The following GRIP1 variants were observed in gnomAD, a reference collection of about 807,000 sequenced individuals.
The protein encoded by GRIP1 is glutamate receptor interacting protein 1, also known as glutamate receptor-interacting protein 1.
Under a neutral mutation model 129.9 loss-of-function variants are expected in GRIP1, and 45 were observed. That is an observed-to-expected ratio of 0.35 (90% CI 0.27 to 0.44). The LOEUF (loss-of-function observed/expected upper bound fraction) is 0.44. Among genes scored for constraint, GRIP1 ranks in the 20% least tolerant of loss-of-function variants. The pLI is 1.00. For synonymous variants in GRIP1, 530 were observed against 520.8 expected (o/e 1.02, Z -0.24); for missense variants, 1,196 against 1,396.8 (o/e 0.86, Z 2.29).
intron 1 of GRIP1, among the ~76,000 whole-genome samples, chr12:66,702,109 C>T (rs984626442): frequency 1.3e-5 from 2 of 152,094 alleles, no homozygotes; most frequent in Admixed American, 6.6e-5. Flanking sequence ...CTGTATTACC[C>T]GAAGAACAGT....
upstream of GRIP1, among the ~76,000 whole-genome samples, chr12:66,683,091 TA>T (rs1051040303): frequency 1.9e-4 from 29 of 152,032 alleles, no homozygotes; most frequent in Non-Finnish European, 8.8e-5. Flanking sequence ...AAATGTTGTG[TA>T]TTTCCCAAAT....
chr12:66,957,130 C>T (rs1278427124), intron 1 of GRIP1, among the ~76,000 whole-genome samples: 4 of 151,962 alleles, frequency 2.6e-5, no homozygotes, highest in South Asian at 4.2e-4. Context: ...AATTAAAATA[C>T]GGTCACTAGG....
chr12:66,809,278 C>T (rs969317718), intron 1 of GRIP1, among the ~76,000 whole-genome samples: 3 of 152,162 alleles, frequency 2.0e-5, no homozygotes, highest in Non-Finnish European at 4.4e-5. Context: ...TATAACCTTT[C>T]CTAGATCAGC....
At chr12:66,606,167 T>C (rs1271082107) in intron 1 of GRIP1, among the ~76,000 whole-genome samples, 1 of 152,186 alleles carries the variant, frequency 6.6e-6, no homozygotes, top group Non-Finnish European at 1.5e-5. Flanking sequence ...GCATCAATTT[T>C]CATTAATTTT....
At chr12:66,787,643 T>C (rs2038395580) in intron 1 of GRIP1, among the ~76,000 whole-genome samples, 1 of 152,134 alleles carries the variant, frequency 6.6e-6, no homozygotes, top group African/African-American at 2.4e-5. Context: ...CCTTCTGTCA[T>C]GTAAGGACAC....
intron 1 of GRIP1, among the ~76,000 whole-genome samples, chr12:67,040,772 T>C (rs914377075): frequency 1.3e-5 from 2 of 152,136 alleles, no homozygotes; most frequent in African/African-American, 4.8e-5. Context: ...ATGTGCTCAA[T>C]AAAGGTTGGT....
chr12:66,440,105 C>T (rs1159147727), intron 13 of GRIP1, among the ~76,000 whole-genome samples: 1 of 152,162 alleles, frequency 6.6e-6, no homozygotes, highest in Non-Finnish European at 1.5e-5. Context: ...TTACATGAAC[C>T]ATCTAAAAGC....
chr12:66,750,448 G>A (rs2037088981), intron 1 of GRIP1, among the ~76,000 whole-genome samples: 1 of 152,112 alleles, frequency 6.6e-6, no homozygotes, highest in Non-Finnish European at 1.5e-5. Context: ...TCAATATAGG[G>A]TGCCAGCTGT....
chr12:66,569,455 TGACA>T (rs1003673637), intron 2 of GRIP1, among the ~76,000 whole-genome samples: 2 of 151,912 alleles, frequency 1.3e-5, no homozygotes, highest in African/African-American at 4.8e-5. Context: ...CCAGCCTGGG[TGACA>T]GAGTGAGACT....
Position 66,678,964 on chromosome 12 carries a change from G to A in GRIP1, c.-60C>T. The A allele has an allele frequency of 6.2e-7, 1 of 1,611,528 alleles. No individual in the cohort carries two copies. Among genetic ancestry groups the A allele is most frequent in the Non-Finnish European group, 8.5e-7 (1 of 1,178,558 alleles). On this transcript the variant is annotated 5_prime_UTR_variant, in exon 1 of 25. Coordinates refer to ENST00000359742, the MANE Select transcript of GRIP1 (RefSeq NM_001366722.1). ...AAGGCTCTCTGCTCTGGTGGCTGCA[G>A]CAGCAGCAGCATATGAATTCCTTGC...
intron 1 of GRIP1, among the ~76,000 whole-genome samples, chr12:66,658,978 TA>T (rs1010421810): frequency 6.6e-6 from 1 of 151,374 alleles, no homozygotes; most frequent in Non-Finnish European, 1.5e-5. Context: ...CATAAAAGGA[TA>T]AAAATAAAAA....
Position 66,967,289 on chromosome 12 carries a change from A to G in GRIP1, c.58+101761T>C, listed in dbSNP as rs146312177. Among the ~76,000 whole-genome samples, 435 of 152,258 alleles carry G rather than the reference A, an allele frequency of 2.9e-3. 2 individuals are homozygous for G. In the Middle Eastern group the frequency reaches 0.034, roughly 12 times the overall value. On this transcript the variant is annotated intron_variant, in intron 1 of 1. Transcript: ENST00000643019. Reference sequence around the variant, plus strand: ...AACCAGGGTAATTAGCATATCTATCACCTCAAATATGTGTCATTTCTTTCT... The same window carrying G: ...AACCAGGGTAATTAGCATATCTATCGCCTCAAATATGTGTCATTTCTTTCT...
rs1401477827 is a variant in GRIP1, at chr12:66,930,286, G to A, written c.58+138764C>T. Among the ~76,000 whole-genome samples, 14 of 121,064 alleles carry A rather than the reference G, an allele frequency of 1.2e-4. 1 individual carries two copies. The Admixed American group carries it at 1.2e-3, about 11-fold the overall frequency. The allele number at this position is 121,064 out of a possible 152,430, so 79.4% of individuals were successfully genotyped here. On this transcript the variant is annotated intron_variant, in intron 1 of 1. Coordinates refer to the GRIP1 transcript ENST00000643019. ...CCCACCCCACAACAGTCCCCAGAGT[G>A]TGATGTTCCCCTTCCTGTGTCCATG...
chr12:66,922,054 T>C (rs998685663), intron 1 of GRIP1, among the ~76,000 whole-genome samples: 2 of 152,226 alleles, frequency 1.3e-5, no homozygotes, highest in Non-Finnish European at 2.9e-5. Flanking sequence ...AAAGTGTTTA[T>C]TTCACCTTAT....
chr12:66,984,514 G>A (rs775690974), intron 1 of GRIP1, among the ~76,000 whole-genome samples: 4 of 152,124 alleles, frequency 2.6e-5, no homozygotes, highest in Non-Finnish European at 4.4e-5. Context: ...TCTTCTAAGA[G>A]CTTTACATGT....
chr12:66,447,946 T>C (rs2058677901), intron 11 of GRIP1, among the ~76,000 whole-genome samples: 1 of 152,226 alleles, frequency 6.6e-6, no homozygotes, highest in African/African-American at 2.4e-5. Flanking sequence ...TTGATGAAGG[T>C]TTGTTTCGAG....
intron 1 of GRIP1, among the ~76,000 whole-genome samples, chr12:66,758,778 A>G (rs878969898): frequency 6.6e-6 from 1 of 152,166 alleles, no homozygotes. Flanking sequence ...GGGCAGTCAA[A>G]TTTTAAAGGT....
chr12:66,538,882 C>T (rs764604251), intron 4 of GRIP1, among the ~76,000 whole-genome samples, 196 bp downstream of exon 4: 1 of 152,132 alleles, frequency 6.6e-6, no homozygotes, highest in Non-Finnish European at 1.5e-5. Flanking sequence ...GGATTATAGA[C>T]GTGAGCCACC....
chr12:66,855,471 T>A (rs1447181433), intron 1 of GRIP1, among the ~76,000 whole-genome samples: 1 of 151,996 alleles, frequency 6.6e-6, no homozygotes, highest in Non-Finnish European at 1.5e-5. Flanking sequence ...AATCTCAGAC[T>A]TGGGGCCCTT....
Sources: gnomAD v4.1 joint callset for allele counts (sites outside exome capture counted in the v4.1 genomes callset) on GRCh38, gnomAD v4.1.1 for gene constraint, MANE v1.5 for transcripts, NCBI Gene and HGNC (gene_info 2026-07-23, HGNC 2026-07-21) for gene names.